Variants in ATG10 observed in about 807,000 individuals in gnomAD.
ATG10 encodes the protein ubiquitin-like-conjugating enzyme ATG10.
In ATG10, 30 loss-of-function variants were observed where a neutral mutation model predicts 32.1. That is an observed-to-expected ratio of 0.94 (90% CI 0.70 to 1.27). ATG10 has a LOEUF of 1.27. Ranked by LOEUF, ATG10 falls within the 50% of genes most tolerant of loss-of-function variation. The pLI, the probability that ATG10 is intolerant of heterozygous loss-of-function variation, is 0.00. For missense variants in ATG10, 233 were observed against 262.3 expected, an observed-to-expected ratio of 0.89 and a Z score of 0.77; for synonymous variants, 87 against 91.5, an observed-to-expected ratio of 0.95 and a Z score of 0.28.
At chr5:82,210,834 C>T (rs1392596005) in intron 5 of ATG10, among the ~76,000 whole-genome samples, 1 of 152,174 alleles carries the variant, frequency 6.6e-6, no homozygotes, top group Non-Finnish European at 1.5e-5. Flanking sequence ...TCAGGTTTTA[C>T]TCAGGACAAG....
chr5:82,066,661 A>C (rs11748868), intron 3 of ATG10, among the ~76,000 whole-genome samples: 9,563 of 152,172 alleles, frequency 0.063, 383 homozygotes, highest in Non-Finnish European at 0.091. Flanking sequence ...AGATGATCTC[A>C]ATTGCCAAGG....
At chr5:82,060,719 G>C (rs998651904) in intron 3 of ATG10, among the ~76,000 whole-genome samples, 29 of 152,098 alleles carry the variant, frequency 1.9e-4, no homozygotes, top group Admixed American at 1.8e-3. Context: ...ACAAAATTTA[G>C]CCAGGTGTGG....
At chr5:81,989,196 A>G (rs2149669454) in intron 2 of ATG10, among the ~76,000 whole-genome samples, 1 of 152,318 alleles carries the variant, frequency 6.6e-6, no homozygotes, top group South Asian at 2.1e-4. Flanking sequence ...TTCTCTACTT[A>G]ACATTTTACC....
chr5:82,059,734 C>T (rs1340467294), intron 3 of ATG10, among the ~76,000 whole-genome samples: 2 of 152,046 alleles, frequency 1.3e-5, no homozygotes, highest in Non-Finnish European at 2.9e-5. Flanking sequence ...GACATCAGCC[C>T]CCTTGCCTGT....
intron 3 of ATG10, among the ~76,000 whole-genome samples, chr5:82,061,273 A>G (rs138943470): frequency 5.9e-5 from 9 of 152,270 alleles, no homozygotes; most frequent in African/African-American, 1.9e-4. Context: ...TTACATATAC[A>G]TATACAAACA....
At chr5:82,240,446 T>C (rs1247374763) in intron 5 of ATG10, among the ~76,000 whole-genome samples, 1 of 152,156 alleles carries the variant, frequency 6.6e-6, no homozygotes, top group Non-Finnish European at 1.5e-5. Context: ...TTCTCACTCA[T>C]ACGAGGAAGT....
intron 2 of ATG10, among the ~76,000 whole-genome samples, chr5:82,015,615 G>A (rs778358964): frequency 1.3e-5 from 2 of 152,124 alleles, no homozygotes; most frequent in South Asian, 4.2e-4. Context: ...CCAGTTGATC[G>A]AATCAGCTAC....
At chr5:82,058,627 C>A (rs756914785) in intron 3 of ATG10, 25 bp downstream of exon 3, 1 of 1,467,270 alleles carries the variant, frequency 6.8e-7, no homozygotes, top group Non-Finnish European at 9.5e-7. Context: ...GCATCATGTT[C>A]TTTTCAGTCT....
chr5:82,129,886 C>T (rs752600301), intron 3 of ATG10, among the ~76,000 whole-genome samples: 13 of 152,226 alleles, frequency 8.5e-5, no homozygotes, highest in Non-Finnish European at 1.5e-4. Flanking sequence ...CAGGGAGATC[C>T]GCTGCTCTTT....
At chr5:82,069,813 A>T (rs1405027227) in intron 3 of ATG10, among the ~76,000 whole-genome samples, 1 of 152,104 alleles carries the variant, frequency 6.6e-6, no homozygotes, top group African/African-American at 2.4e-5. Flanking sequence ...TTCTGAATTT[A>T]TGTGCTTAAG....
intron 3 of ATG10, among the ~76,000 whole-genome samples, chr5:82,156,831 G>A (rs114295388): frequency 0.012 from 1,835 of 152,232 alleles, 14 homozygotes; most frequent in Non-Finnish European, 0.02. Context: ...TGATAAGTGC[G>A]ATTAAGCATT....
chr5:82,117,395 C>G (rs555062243), intron 3 of ATG10, among the ~76,000 whole-genome samples: 2 of 152,166 alleles, frequency 1.3e-5, no homozygotes, highest in Non-Finnish European at 2.9e-5. Flanking sequence ...AAAATTTATG[C>G]AAGTCATCTG....
chr5:81,996,288 A>C (rs1456508620), intron 2 of ATG10, among the ~76,000 whole-genome samples: 1 of 152,218 alleles, frequency 6.6e-6, no homozygotes, highest in Non-Finnish European at 1.5e-5. Flanking sequence ...GCTGGAGTGC[A>C]GTGCAGTGGA....
intron 4 of ATG10, among the ~76,000 whole-genome samples, chr5:82,170,862 G>A (rs1021929292): frequency 7.9e-5 from 12 of 152,022 alleles, no homozygotes; most frequent in East Asian, 3.9e-4. Flanking sequence ...GTGGAAAATC[G>A]CTTGAACCCT....
intron 5 of ATG10, among the ~76,000 whole-genome samples, chr5:82,184,687 A>G (rs1311475450): frequency 6.6e-6 from 1 of 152,220 alleles, no homozygotes; most frequent in African/African-American, 2.4e-5. Context: ...CTGCATTATT[A>G]GAGAGATGAC....
chr5:82,069,069 AATTTT>A (rs947606304), intron 3 of ATG10, among the ~76,000 whole-genome samples: 12 of 152,210 alleles, frequency 7.9e-5, no homozygotes, highest in African/African-American at 2.6e-4. Flanking sequence ...GTATATTTAC[AATTTT>A]ATTCCTTAGT....
intron 2 of ATG10, among the ~76,000 whole-genome samples, chr5:82,009,437 C>T (rs1762068760): frequency 6.6e-6 from 1 of 151,632 alleles, no homozygotes; most frequent in African/African-American, 2.4e-5. Flanking sequence ...CTCTGCAATC[C>T]AGCTAGGCAT....
chr5:82,139,817 G>A, intron 3 of ATG10, among the ~76,000 whole-genome samples: 1 of 139,904 alleles, frequency 7.1e-6, no homozygotes, highest in Non-Finnish European at 1.6e-5. Context: ...AGCCCGGCCA[G>A]CCACCCCATC....
intron 2 of ATG10, among the ~76,000 whole-genome samples, chr5:82,005,623 T>C (rs995630100): frequency 6.6e-6 from 1 of 152,198 alleles, no homozygotes; most frequent in African/African-American, 2.4e-5. Flanking sequence ...TTGTGCAACA[T>C]TGAAACTCTA....
Sources: gnomAD v4.1 joint callset for allele counts (sites outside exome capture counted in the v4.1 genomes callset) on GRCh38, gnomAD v4.1.1 for gene constraint, MANE v1.5 for transcripts, NCBI Gene and HGNC (gene_info 2026-07-23, HGNC 2026-07-21) for gene names.